The following PGAP4 variants were observed in gnomAD, a reference collection of about 807,000 sequenced individuals.
PGAP4 encodes post-GPI attachment to proteins GalNAc transferase 4.
In PGAP4, 12 loss-of-function variants were observed where a neutral mutation model predicts 28.2. The observed-to-expected ratio is 0.42, with a 90% CI of 0.27 to 0.69. The LOEUF (loss-of-function observed/expected upper bound fraction) is 0.69. PGAP4 is among the 30% of genes least tolerant of loss of function. The pLI is 0.22. For missense variants in PGAP4, 425 were observed against 513.5 expected (o/e 0.83, Z 1.67); for synonymous variants, 205 against 211.8 (o/e 0.97, Z 0.28).
At chr9:101,490,838 A>G (rs1471123889), upstream of PGAP4, among the ~76,000 whole-genome samples, 2 of 152,138 alleles carry the variant, frequency 1.3e-5, no homozygotes, top group Non-Finnish European at 2.9e-5. Context: ...ATATCTCTGT[A>G]GTAAGTTTTT....
intron 2 of PGAP4, among the ~76,000 whole-genome samples, chr9:101,516,987 C>T (rs1274712739): frequency 4.6e-5 from 7 of 152,122 alleles, no homozygotes; most frequent in Admixed American, 3.9e-4. Context: ...TATTTACATG[C>T]TGATTGAAGA....
intron 2 of PGAP4, among the ~76,000 whole-genome samples, chr9:101,527,668 T>C (rs1827047085): frequency 1.3e-5 from 2 of 152,232 alleles, no homozygotes. Context: ...TTAATTGTAA[T>C]GTTAAAATGT....
At chr9:101,499,393 CAG>C (rs1167198053) in intron 2 of PGAP4, among the ~76,000 whole-genome samples, 19 of 151,382 alleles carry the variant, frequency 1.3e-4, no homozygotes, top group Admixed American at 6.6e-4. Context: ...ACCTAAATAA[CAG>C]AGTCTCTCAA....
Position 101,486,649 on chromosome 9 carries a change from C to T in PGAP4, c.-78+300G>A, listed in dbSNP as rs1826622054. Among the ~76,000 whole-genome samples, 1 of 152,168 alleles carries T rather than the reference C, an allele frequency of 6.6e-6. No individual in the cohort carries two copies. Among genetic ancestry groups the T allele is most frequent in the Non-Finnish European group, 1.5e-5 (1 of 68,022 alleles). On this transcript the variant is annotated intron_variant, in intron 1 of 1. Coordinates refer to ENST00000374848, the MANE Select transcript of PGAP4 (RefSeq NM_032342.3). The surrounding 1 kb of genome is among the most constrained non-coding windows in gnomAD (Gnocchi z 4.7). ...GCAGGCAAGGGCCAGGGAGGCGCCCCCGAGACACTCAACCATCCCCGCACT... is the reference window on the plus strand; with the variant it reads ...GCAGGCAAGGGCCAGGGAGGCGCCCTCGAGACACTCAACCATCCCCGCACT...
intron 2 of PGAP4, among the ~76,000 whole-genome samples, chr9:101,509,639 G>A (rs1440277480): frequency 6.6e-6 from 1 of 152,172 alleles, no homozygotes; most frequent in Admixed American, 6.5e-5. Context: ...TTAAGGGCAT[G>A]TACTTTGATG....
intron 2 of PGAP4, among the ~76,000 whole-genome samples, chr9:101,493,752 T>G (rs1184570394): frequency 1.3e-5 from 2 of 152,152 alleles, no homozygotes; most frequent in Non-Finnish European, 2.9e-5. Context: ...CGTTAGCAGT[T>G]TGGTGAACTT....
chr9:101,501,257 A>T (rs1826795569), intron 2 of PGAP4, among the ~76,000 whole-genome samples: 1 of 152,108 alleles, frequency 6.6e-6, no homozygotes, highest in African/African-American at 2.4e-5. Flanking sequence ...TCTGTGCTGT[A>T]CTGCTACAAT....
intron 1 of PGAP4, among the ~76,000 whole-genome samples, chr9:101,478,846 G>A (rs940164224): frequency 3.3e-5 from 5 of 152,188 alleles, no homozygotes; most frequent in African/African-American, 1.2e-4. Context: ...ACTGTGTTGT[G>A]AGCAATACAT....
intron 2 of PGAP4, among the ~76,000 whole-genome samples, chr9:101,527,294 G>C (rs1394607320): frequency 6.6e-6 from 1 of 152,194 alleles, no homozygotes; most frequent in African/African-American, 2.4e-5. Flanking sequence ...AAGGGGTGCT[G>C]ATGAGGCAAG....
At chr9:101,507,764 A>G (rs1826859944) in intron 2 of PGAP4, among the ~76,000 whole-genome samples, 1 of 152,138 alleles carries the variant, frequency 6.6e-6, no homozygotes, top group Non-Finnish European at 1.5e-5. Context: ...ATAGTGCTTA[A>G]TTAAACTCAG....
chr9:101,480,955 T>C (rs1287670069), intron 1 of PGAP4, among the ~76,000 whole-genome samples: 1 of 152,172 alleles, frequency 6.6e-6, no homozygotes, highest in African/African-American at 2.4e-5. Context: ...GGCAGGTGGA[T>C]GGCTTGAGCC....
At chr9:101,489,444 A>C (rs1826666587), upstream of PGAP4, among the ~76,000 whole-genome samples, 1 of 152,146 alleles carries the variant, frequency 6.6e-6, no homozygotes, top group Admixed American at 6.5e-5. Flanking sequence ...TGCATACCCT[A>C]GGGCTTGATA....
rs1267014729 is a variant in PGAP4, at chr9:101,479,616, G to A, written c.-77-2447C>T. ...TTAAAACTACGTCTGTGAGACTGCTGTTCTACTGACAATCAGGAAAAGAGA... is the reference window on the plus strand; with the variant it reads ...TTAAAACTACGTCTGTGAGACTGCTATTCTACTGACAATCAGGAAAAGAGA... On this transcript the variant is annotated intron_variant, in intron 1 of 1. Coordinates refer to ENST00000374848, the MANE Select transcript of PGAP4 (RefSeq NM_032342.3). Among the ~76,000 whole-genome samples, 3 of 152,314 alleles carry A rather than the reference G, an allele frequency of 2.0e-5. No homozygotes were observed. In the East Asian group the frequency reaches 5.8e-4, roughly 29 times the overall value.
At chr9:101,531,787 G>C (rs1827092340) in intron 1 of PGAP4, among the ~76,000 whole-genome samples, 1 of 152,202 alleles carries the variant, frequency 6.6e-6, no homozygotes, top group South Asian at 2.1e-4. Flanking sequence ...GGGAATAGCT[G>C]TTGGGTAGAT....
chr9:101,519,675 A>G (rs1826971278), intron 2 of PGAP4, among the ~76,000 whole-genome samples: 1 of 150,892 alleles, frequency 6.6e-6, no homozygotes, highest in Admixed American at 6.6e-5. Context: ...ATACACACAT[A>G]CATATATATA....
chr9:101,495,234 T>A (rs1271268179), intron 2 of PGAP4, among the ~76,000 whole-genome samples: 1 of 62,624 alleles, frequency 1.6e-5, no homozygotes, highest in East Asian at 4.7e-4. Context: ...TATATATATT[T>A]TATATATAAT....
At chr9:101,526,292 AG>A (rs1827035586) in intron 2 of PGAP4, among the ~76,000 whole-genome samples, 1 of 152,224 alleles carries the variant, frequency 6.6e-6, no homozygotes, top group Non-Finnish European at 1.5e-5. Flanking sequence ...AAAAAGAGAA[AG>A]GGAATAGTCT....
intron 2 of PGAP4, among the ~76,000 whole-genome samples, chr9:101,494,521 A>G (rs1305683165): frequency 3.3e-5 from 5 of 151,786 alleles, no homozygotes; most frequent in Non-Finnish European, 7.4e-5. Flanking sequence ...CAATTATTCA[A>G]TTTCATGAAA....
chr9:101,506,682 C>T (rs567271521), intron 2 of PGAP4, among the ~76,000 whole-genome samples: 4 of 151,954 alleles, frequency 2.6e-5, no homozygotes, highest in East Asian at 1.9e-4. Context: ...ATGTCTAATA[C>T]TAGTATTGAA....
Sources: allele counts gnomAD v4.1 joint callset (sites outside exome capture counted in the v4.1 genomes callset), GRCh38; gene constraint gnomAD v4.1.1; non-coding constraint Gnocchi (gnomAD v3.1); transcripts MANE v1.5; gene names NCBI Gene and HGNC (gene_info 2026-07-23, HGNC 2026-07-21).